SLC35D4: variants seen among roughly 807,000 people sequenced by gnomAD.
SLC35D4 encodes the protein UDP-N-acetylglucosamine transporter SLC35D4.
chr18:23,391,222 GAA>G, the SLC35D4 span, among the ~76,000 whole-genome samples: 2 of 100,594 alleles, frequency 2.0e-5, no homozygotes, highest in Admixed American at 1.0e-4. Context: ...GACTCTGAAA[GAA>G]AAAAAAAAAA....
chr18:23,295,842 C>T, the SLC35D4 span, among the ~76,000 whole-genome samples: 5 of 152,298 alleles, frequency 3.3e-5, no homozygotes, highest in East Asian at 9.6e-4. Context: ...TTCAACACTA[C>T]AGGGCCTGGC....
chr18:23,415,765 C>T, the SLC35D4 span, among the ~76,000 whole-genome samples: 2 of 152,196 alleles, frequency 1.3e-5, no homozygotes. Flanking sequence ...CGCTATCTGT[C>T]CCAAGACAGA....
chr18:23,348,303 T>C, the SLC35D4 span, among the ~76,000 whole-genome samples: 1 of 152,220 alleles, frequency 6.6e-6, no homozygotes, highest in African/African-American at 2.4e-5. Flanking sequence ...ATGTGTATTC[T>C]GAAATCAATT....
the SLC35D4 span, among the ~76,000 whole-genome samples, chr18:23,286,466 C>T: frequency 6.6e-6 from 1 of 152,170 alleles, no homozygotes; most frequent in Non-Finnish European, 1.5e-5. Flanking sequence ...GTCCCTGGGA[C>T]TCTGGCCCAA....
chr18:23,301,206 C>T, the SLC35D4 span, among the ~76,000 whole-genome samples: 5 of 152,102 alleles, frequency 3.3e-5, no homozygotes, highest in Non-Finnish European at 5.9e-5. Context: ...GGGGCTCTGC[C>T]GAGTGAGTTC....
the SLC35D4 span, among the ~76,000 whole-genome samples, chr18:23,339,071 T>A: frequency 2.0e-5 from 3 of 151,986 alleles, no homozygotes; most frequent in Non-Finnish European, 4.4e-5. Context: ...AAAAACTTTT[T>A]GTAGAAATAG....
the SLC35D4 span, among the ~76,000 whole-genome samples, chr18:23,239,680 A>G: frequency 3.9e-5 from 6 of 152,218 alleles, no homozygotes; most frequent in Non-Finnish European, 1.5e-5. Context: ...AGGCCTTATT[A>G]TGAGCCAAGC....
chr18:23,261,609 C>G, the SLC35D4 span, among the ~76,000 whole-genome samples: 1 of 152,052 alleles, frequency 6.6e-6, no homozygotes, highest in African/African-American at 2.4e-5. Context: ...GGAGCAAGAC[C>G]CTGTCTCAGA....
the SLC35D4 span, among the ~76,000 whole-genome samples, chr18:23,238,831 T>A: frequency 2.0e-5 from 3 of 152,250 alleles, no homozygotes; most frequent in Admixed American, 1.3e-4. Context: ...GTTTTCACGT[T>A]GCCCAGCTGT....
At chr18:23,373,186 G>A in the SLC35D4 span, among the ~76,000 whole-genome samples, 1 of 152,006 alleles carries the variant, frequency 6.6e-6, no homozygotes, top group Non-Finnish European at 1.5e-5. Context: ...ATGGTGGTGG[G>A]CGCTTGTAAT....
chr18:23,383,236 G>A, the SLC35D4 span, among the ~76,000 whole-genome samples: 1 of 152,094 alleles, frequency 6.6e-6, no homozygotes, highest in African/African-American at 2.4e-5. Flanking sequence ...GGCACAATGG[G>A]TGTGGATGAG....
At chr18:23,420,815 C>T in the SLC35D4 span, among the ~76,000 whole-genome samples, 1 of 152,280 alleles carries the variant, frequency 6.6e-6, no homozygotes, top group African/African-American at 2.4e-5. Context: ...TTTTTCCCCA[C>T]ACTACATCAA....
At chr18:23,298,166 G>A in the SLC35D4 span, 1 of 1,382,714 alleles carries the variant, frequency 7.2e-7, no homozygotes, top group Non-Finnish European at 1.0e-6. Context: ...CCCTCATCCT[G>A]CAACTGAGAC....
the SLC35D4 span, among the ~76,000 whole-genome samples, chr18:23,334,611 GAC>G: frequency 1.3e-5 from 2 of 152,156 alleles, no homozygotes; most frequent in African/African-American, 4.8e-5. Context: ...CTTAAAATCA[GAC>G]ACAGTCTACT....
the SLC35D4 span, chr18:23,421,525 T>G: frequency 2.4e-6 from 3 of 1,273,964 alleles, no homozygotes; most frequent in East Asian, 4.7e-5. Context: ...ATCTGCTGAC[T>G]GACACAAAGA....
chr18:23,433,066 CT>C, the SLC35D4 span, among the ~76,000 whole-genome samples: 105,879 of 142,918 alleles, frequency 0.74, 40,492 homozygotes, highest in Non-Finnish European at 0.86. Context: ...TAACTCTTTT[CT>C]TTTTTTTTTT....
the SLC35D4 span, among the ~76,000 whole-genome samples, chr18:23,312,564 C>T: frequency 2.0e-5 from 3 of 152,150 alleles, no homozygotes; most frequent in Non-Finnish European, 2.9e-5. Context: ...AAGTTGTTTG[C>T]ACCGTGGGAC....
chr18:23,246,433 C>T, the SLC35D4 span, among the ~76,000 whole-genome samples: 6 of 152,114 alleles, frequency 3.9e-5, no homozygotes, highest in African/African-American at 1.4e-4. Context: ...GCTCTGTCGC[C>T]CAGGCTGAAG....
the SLC35D4 span, among the ~76,000 whole-genome samples, chr18:23,281,322 ATTTAT>A: frequency 6.6e-6 from 1 of 152,034 alleles, no homozygotes; most frequent in East Asian, 1.9e-4. Flanking sequence ...GCTGTTATTT[ATTTAT>A]TTTACTTTTT....
Sources: allele counts gnomAD v4.1 joint callset (sites outside exome capture counted in the v4.1 genomes callset), GRCh38; gene constraint gnomAD v4.1.1; transcripts MANE v1.5; gene names NCBI Gene and HGNC (gene_info 2026-07-23, HGNC 2026-07-21).